Variants in RNF168 observed in about 807,000 individuals in gnomAD.
RNF168 encodes ring finger protein 168.
Under a neutral mutation model 34.9 loss-of-function variants are expected in RNF168, and 34 were observed. That is an observed-to-expected ratio of 0.97 (90% CI 0.74 to 1.30). The LOEUF (loss-of-function observed/expected upper bound fraction) is 1.30, where lower values mean the gene tolerates loss of function less well. Among genes scored for constraint, RNF168 ranks in the 50% most tolerant of loss-of-function variants. The probability of loss-of-function intolerance (pLI) is 0.00; values close to 1 mark genes in which losing one functional copy is unlikely to be tolerated. For missense variants in RNF168, 725 were observed against 682.5 expected, an observed-to-expected ratio of 1.06 and a Z score of -0.69; for synonymous variants, 264 against 254.7, an observed-to-expected ratio of 1.04 and a Z score of -0.35.
At chr3:196,489,059 T>C (rs139970052) in intron 1 of RNF168, among the ~76,000 whole-genome samples, 45 of 152,192 alleles carry the variant, frequency 3.0e-4, no homozygotes, top group African/African-American at 1.1e-3. Context: ...TTTCACCACA[T>C]TGGCCAGGCT....
At chr3:196,494,321 C>T (rs1732684942) in intron 1 of RNF168, among the ~76,000 whole-genome samples, 1 of 152,218 alleles carries the variant, frequency 6.6e-6, no homozygotes, top group South Asian at 2.1e-4. Flanking sequence ...AACATTCCTA[C>T]TCTACTCGAT....
Position 196,472,580 on chromosome 3 carries a change from T to C in RNF168, c.955A>G (p.Ser319Gly). The change falls in exon 6 of 6, where the codon AGC (serine) becomes GGC (glycine). Residue 319 changes from serine to glycine, a missense_variant. Ser to Gly is a moderately conservative substitution (Grantham distance 56, BLOSUM62 0). Coordinates refer to ENST00000318037, the MANE Select transcript of RNF168 (RefSeq NM_152617.4). ...YHEGNVKTRPSNHGKELCVLS... is the reference protein window; with the variant it reads ...YHEGNVKTRPGNHGKELCVLS... ...ACACATAACTCTTTCCCATGATTGC[T>C]TGGTCTTGTTTTGACGTTTCCTTCA... is the stretch of plus-strand genomic sequence containing the variant. 6.2e-7 allele frequency: 1 copy of C among 1,614,260 alleles called. No individual in the cohort carries two copies. Among genetic ancestry groups the C allele is most frequent in the Non-Finnish European group, 8.5e-7 (1 of 1,180,048 alleles).
At chr3:196,475,624 C>A (rs1228293504) in intron 4 of RNF168, among the ~76,000 whole-genome samples, 4 of 149,600 alleles carry the variant, frequency 2.7e-5, no homozygotes, top group Non-Finnish European at 5.9e-5. Flanking sequence ...GATCTCCGCT[C>A]ACTGCAAGCT....
At chr3:196,483,402 G>A (rs995043373) in intron 4 of RNF168, among the ~76,000 whole-genome samples, 1 of 152,196 alleles carries the variant, frequency 6.6e-6, no homozygotes, top group Admixed American at 6.5e-5. Context: ...CCTGACTCAT[G>A]CATTTTGTGT....
At position 196,488,655 on chromosome 3, in the gene RNF168, G is replaced by A. The variant is rs765630387; in HGVS notation, c.330C>T (p.Leu110=). The A allele has an allele frequency of 1.9e-6, 3 of 1,607,974 alleles. No individual in the cohort carries two copies. Among genetic ancestry groups the A allele is most frequent in the East Asian group, 2.2e-5 (1 of 44,766 alleles). ...VADDYQPVRL[L]SKPGELRREY... The stretch of plus-strand genomic sequence containing the variant: ...CTCTTCTCAGTTCCCCAGGTTTACT[G>A]AGCAGACGAACTGGCTGATAGTCAT... The change falls in exon 2 of 6, where the codon CTC becomes CTT. Residue 110 remains leucine, a synonymous_variant. Coordinates refer to ENST00000318037, the MANE Select transcript of RNF168 (RefSeq NM_152617.4).
At chr3:196,497,967 A>G (rs887004329) in intron 1 of RNF168, among the ~76,000 whole-genome samples, 1 of 152,240 alleles carries the variant, frequency 6.6e-6, no homozygotes, top group Non-Finnish European at 1.5e-5. Context: ...CACATGAAAA[A>G]GAACACTATC....
chr3:196,503,437 C>T lies in RNF168; in HGVS notation c.-264G>A, dbSNP rs1732954999. On this transcript the variant is annotated 5_prime_UTR_variant, in exon 1 of 6. Coordinates refer to ENST00000318037, the MANE Select transcript of RNF168 (RefSeq NM_152617.4). ...CCGCCAGCAAATAAATGCAGGTTTT[C>T]GTCGGAGGAGCCTGGCTGCTCCGCG... 2.1e-6 allele frequency: 1 copy of T among 485,832 alleles called. No homozygotes were observed. Among genetic ancestry groups the T allele is most frequent in the Non-Finnish European group, 3.8e-6 (1 of 265,788 alleles). The allele number at this position is 485,832 out of a possible 1,614,324, so 30.1% of individuals were successfully genotyped here.
Position 196,472,176 on chromosome 3 carries a change from A to T in RNF168, c.1359T>A (p.Leu453=). ...TTTGCTCTTTATCCACCTCCTTCTG[A>T]AGTTGTAATGCCAATAACCTGTCCT... The part of the protein sequence containing the change: ...EEQDRLLALQ[L]QKEVDKEQMV... Residue 453 remains leucine (L), a synonymous_variant, in exon 6 of 6, where the codon CTT becomes CTA. Transcript: ENST00000318037. The T allele has an allele frequency of 6.2e-7, 1 of 1,614,022 alleles. No individual in the cohort carries two copies. The highest frequency in any genetic ancestry group is 1.1e-5 in the South Asian group (1 of 91,082).
intron 4 of RNF168, among the ~76,000 whole-genome samples, chr3:196,481,962 CTTTTTTT>C (rs1270244249): frequency 7.4e-6 from 1 of 135,402 alleles, no homozygotes; most frequent in East Asian, 2.3e-4. Context: ...CTGTCCCTGG[CTTTTTTT>C]TTTTTTTTTT....
chr3:196,471,997 C>A lies in RNF168; in HGVS notation c.1538G>T (p.Gly513Val). Reference protein sequence around the residue: ...THTKHPTPERGSRDKNRQVSL... With the variant: ...THTKHPTPERVSRDKNRQVSL... ...CACTTGCCTATTTTTGTCCCTTGAG[C>A]CTCTCTCTGGTGTTGGATGCTTTGT... Residue 513 changes from glycine to valine, a missense_variant, in exon 6 of 6, where the codon GGC (glycine) becomes GTC (valine). Physicochemically the swap from Gly to Val is moderately radical, Grantham distance 109 (BLOSUM62 -3). Transcript: ENST00000318037. 1 of 1,614,152 alleles carries A rather than the reference C, an allele frequency of 6.2e-7. No individual in the cohort carries two copies. The highest frequency in any genetic ancestry group is 1.3e-5 in the African/African-American group (1 of 75,022).
intron 3 of RNF168, among the ~76,000 whole-genome samples, chr3:196,485,978 G>C (rs1243556495): frequency 6.6e-6 from 1 of 152,122 alleles, no homozygotes; most frequent in Non-Finnish European, 1.5e-5. Flanking sequence ...GAGTAAATAT[G>C]AGAGTTTGTA....
chr3:196,492,278 C>G (rs559954515), intron 1 of RNF168, among the ~76,000 whole-genome samples: 1 of 152,104 alleles, frequency 6.6e-6, no homozygotes, highest in Non-Finnish European at 1.5e-5. Flanking sequence ...GCAGGAGGAC[C>G]ACTTGAGCTC....
In RNF168 at chr3:196,483,803, T is replaced by C; in HGVS notation, c.647A>G (p.Lys216Arg). 6.2e-7 allele frequency: 1 copy of C among 1,611,482 alleles called. No individual in the cohort carries two copies. The highest frequency in any genetic ancestry group is 8.5e-7 in the Non-Finnish European group (1 of 1,177,684). Residue 216 changes from lysine (K) to arginine (R), a missense_variant, in exon 4 of 6, where the codon AAG becomes AGG. By Grantham distance (26) the Lys-to-Arg change is conservative. Transcript: ENST00000318037. ...ATCTCCAGTGTTTCTTTGTTTGTTC[T>C]TACTTTTCTTTTCAGACTTGGGTGT... ...PVTPKSEKKS[K>R]NKQRNTGDIQ... is the part of the protein sequence containing the mutation.
intron 4 of RNF168, among the ~76,000 whole-genome samples, chr3:196,478,729 C>T (rs181503823): frequency 6.8e-4 from 103 of 152,088 alleles, no homozygotes; most frequent in Non-Finnish European, 1.0e-3. Context: ...TACAATGGCA[C>T]AATCTCTGCT....
At chr3:196,488,126 G>C (rs73219638) in intron 2 of RNF168, among the ~76,000 whole-genome samples, 1 of 152,058 alleles carries the variant, frequency 6.6e-6, no homozygotes, top group South Asian at 2.1e-4. Context: ...TCACATAAGA[G>C]CATTAATTAT....
intron 4 of RNF168, among the ~76,000 whole-genome samples, chr3:196,480,695 T>C (rs895223356): frequency 6.6e-6 from 1 of 152,112 alleles, no homozygotes; most frequent in Non-Finnish European, 1.5e-5. Context: ...CAGGCTGGAG[T>C]GCAGTGGTAA....
intron 5 of RNF168, 33 bp from the exon 6 acceptor site, chr3:196,472,805 G>A: frequency 7.6e-7 from 1 of 1,308,968 alleles, no homozygotes. Context: ...GAGTGAACCA[G>A]GGGAAAATAT....
chr3:196,488,579 C>T (rs1447617939), intron 2 of RNF168, 28 bp downstream of exon 2: 3 of 1,234,180 alleles, frequency 2.4e-6, no homozygotes, highest in Admixed American at 3.8e-5. Context: ...GAGAAATATT[C>T]CAAAAAAAAA....
intron 5 of RNF168, among the ~76,000 whole-genome samples, chr3:196,473,754 C>G (rs561813728): frequency 5.3e-5 from 8 of 152,124 alleles, no homozygotes; most frequent in African/African-American, 1.9e-4. Flanking sequence ...ACCAGGGAAG[C>G]TGAGGATGCA....
Sources: gnomAD v4.1 joint callset for allele counts (sites outside exome capture counted in the v4.1 genomes callset) on GRCh38, gnomAD v4.1.1 for gene constraint, MANE v1.5 for transcripts, NCBI Gene and HGNC (gene_info 2026-07-23, HGNC 2026-07-21) for gene names.